SARNP: variants seen among roughly 807,000 people sequenced by gnomAD.
SARNP encodes the protein SAP domain containing ribonucleoprotein.
SARNP carries 5 observed loss-of-function variants against 38.1 expected under a neutral mutation model. The observed-to-expected ratio is 0.13, with a 90% CI of 0.07 to 0.28. The LOEUF (loss-of-function observed/expected upper bound fraction) is 0.28, where lower values mean the gene tolerates loss of function less well. Among genes scored for constraint, SARNP ranks in the 10% least tolerant of loss-of-function variants. SARNP has a pLI of 1.00. For synonymous variants in SARNP, 84 were observed against 80.6 expected (o/e 1.04, Z -0.23); for missense variants, 180 against 243.9 (o/e 0.74, Z 1.75).
chr12:55,794,482 G>T (rs1348291085), intron 6 of SARNP, 95 bp from the exon 7 acceptor site: 4 of 1,068,460 alleles, frequency 3.7e-6, no homozygotes, highest in East Asian at 4.8e-5. Context: ...CTTCTTGCTT[G>T]TGATCTCAAG....
At chr12:55,797,078 T>C (rs891288148) in intron 4 of SARNP, among the ~76,000 whole-genome samples, 1 of 152,200 alleles carries the variant, frequency 6.6e-6, no homozygotes, top group African/African-American at 2.4e-5. Context: ...CTGTGGGTCA[T>C]AACCAGTCTC....
At chr12:55,807,832 AT>A (rs1054704777) in intron 1 of SARNP, among the ~76,000 whole-genome samples, 220 of 148,042 alleles carry the variant, frequency 1.5e-3, no homozygotes, top group African/African-American at 5.3e-3. Context: ...AAAAAAAAAA[AT>A]TTTTTTTAAG....
intron 9 of SARNP, among the ~76,000 whole-genome samples, chr12:55,786,841 T>C (rs1194708084): frequency 6.6e-6 from 1 of 152,162 alleles, no homozygotes; most frequent in East Asian, 1.9e-4. Context: ...TTTTTCTTAC[T>C]TCACAAAAAT....
At chr12:55,809,536 C>G (rs550981840) in intron 1 of SARNP, among the ~76,000 whole-genome samples, 1 of 152,182 alleles carries the variant, frequency 6.6e-6, no homozygotes, top group East Asian at 1.9e-4. Flanking sequence ...AGGAGGATCA[C>G]TTGAGCCTAG....
At chr12:55,756,401 A>G (rs902414628), downstream of SARNP, 1 of 152,184 alleles carries the variant, frequency 6.6e-6, no homozygotes, top group Non-Finnish European at 1.5e-5. Context: ...TGGAGAAATA[A>G]AGAGATATCT....
chr12:55,797,355 TA>T (rs1879851020), intron 4 of SARNP, among the ~76,000 whole-genome samples: 1 of 152,122 alleles, frequency 6.6e-6, no homozygotes, highest in South Asian at 2.1e-4. Context: ...TAGAAACAGG[TA>T]TATTTTTGGA....
At chr12:55,757,908 A>AAAGTCTT (rs1188307540) in intron 10 of SARNP, among the ~76,000 whole-genome samples, 2 of 152,186 alleles carry the variant, frequency 1.3e-5, no homozygotes, top group Non-Finnish European at 2.9e-5. Context: ...CAGGCTGGGA[A>AAAGTCTT]AAGTCTTCCA....
intron 9 of SARNP, among the ~76,000 whole-genome samples, chr12:55,776,545 A>G (rs945856556): frequency 2.0e-5 from 3 of 152,144 alleles, no homozygotes; most frequent in Non-Finnish European, 2.9e-5. Context: ...ATACTGCTTC[A>G]TTTGTATTAT....
At chr12:55,778,168 A>G (rs1003121305) in intron 9 of SARNP, among the ~76,000 whole-genome samples, 3 of 151,956 alleles carry the variant, frequency 2.0e-5, no homozygotes, top group African/African-American at 7.3e-5. Flanking sequence ...TATTTTTGAG[A>G]GCAAGTCTCT....
At chr12:55,799,804 G>A (rs1879927036) in intron 4 of SARNP, among the ~76,000 whole-genome samples, 1 of 150,016 alleles carries the variant, frequency 6.7e-6, no homozygotes, top group South Asian at 2.1e-4. Flanking sequence ...CACCCACCTC[G>A]GCCTCCCAAA....
intron 9 of SARNP, among the ~76,000 whole-genome samples, chr12:55,787,120 T>C (rs1879520285): frequency 6.6e-6 from 1 of 151,696 alleles, no homozygotes; most frequent in Middle Eastern, 3.4e-3. Context: ...TGGTCCCACC[T>C]ACTCAGGAGG....
intron 2 of SARNP, among the ~76,000 whole-genome samples, chr12:55,803,026 A>C (rs1408141201): frequency 6.6e-6 from 1 of 152,200 alleles, no homozygotes; most frequent in Non-Finnish European, 1.5e-5. Flanking sequence ...ACATTCTACA[A>C]AACAACACTA....
downstream of SARNP, chr12:55,757,253 C>A: frequency 6.2e-6 from 2 of 324,782 alleles, no homozygotes; most frequent in South Asian, 5.9e-5. Context: ...CAAAGGAGCA[C>A]CTAATAAAAC....
Position 55,774,940 on chromosome 12 carries a change from A to G in SARNP, c.501+14135T>C, listed in dbSNP as rs184948557. ...CTCGCTCTGTCGCCCAGACTGGAGCACAGTGGCGCAATCTTGGCTCACTGC... is the reference window on the plus strand; with the variant it reads ...CTCGCTCTGTCGCCCAGACTGGAGCGCAGTGGCGCAATCTTGGCTCACTGC... On this transcript the variant is annotated intron_variant, in intron 9 of 10. Transcript: ENST00000336133. 3.2e-3 allele frequency among the ~76,000 whole-genome samples: 449 copies of G among 138,492 alleles called. 2 individuals carry two copies. Among genetic ancestry groups the G allele is most frequent in the African/African-American group, 0.012 (414 of 35,972 alleles). The allele number at this position is 138,492 out of a possible 152,430, so 90.9% of individuals were successfully genotyped here. A position where few individuals can be genotyped will look rare whatever the true frequency, so the allele number is the denominator to read the frequency against.
chr12:55,797,145 T>G (rs543975010), intron 4 of SARNP, among the ~76,000 whole-genome samples: 6 of 152,334 alleles, frequency 3.9e-5, no homozygotes, highest in Admixed American at 3.3e-4. Flanking sequence ...CCTGAACACT[T>G]TTCCCATTTG....
chr12:55,789,709 C>T (rs1424097850), intron 8 of SARNP, among the ~76,000 whole-genome samples: 3 of 151,814 alleles, frequency 2.0e-5, no homozygotes, highest in Non-Finnish European at 2.9e-5. Flanking sequence ...TTTGGGAGGC[C>T]GAGGCAGGTG....
chr12:55,753,048 G>A (rs1400363438), downstream of SARNP: 1 of 152,180 alleles, frequency 6.6e-6, no homozygotes, highest in Non-Finnish European at 1.5e-5. Context: ...GGACATGCAG[G>A]CCAAGGAAGG....
intron 1 of SARNP, 143 bp downstream of exon 1, chr12:55,817,523 G>A: frequency 1.4e-6 from 1 of 699,874 alleles, no homozygotes. Context: ...TAGTGTGGAA[G>A]GGTGGCACAA....
intron 10 of SARNP, among the ~76,000 whole-genome samples, chr12:55,758,243 G>A (rs150565708): frequency 1.7e-3 from 252 of 152,314 alleles, no homozygotes; most frequent in African/African-American, 5.8e-3. Flanking sequence ...ACTGCCCCTA[G>A]CAGAATACAA....
Sources: allele counts gnomAD v4.1 joint callset (sites outside exome capture counted in the v4.1 genomes callset), GRCh38; gene constraint gnomAD v4.1.1; transcripts MANE v1.5; gene names NCBI Gene and HGNC (gene_info 2026-07-23, HGNC 2026-07-21).